Variants in TRO observed in about 807,000 individuals in gnomAD.
TRO encodes trophinin.
Under a neutral mutation model 42.3 loss-of-function variants are expected in TRO, and 29 were observed. That is an observed-to-expected ratio of 0.68 (90% CI 0.51 to 0.93). TRO has a LOEUF of 0.93. TRO is among the 40% of genes least tolerant of loss of function. TRO has a pLI of 0.00. For synonymous variants in TRO, 384 were observed against 425.2 expected, an observed-to-expected ratio of 0.90 and a Z score of 1.19; for missense variants, 963 against 1,127.7, an observed-to-expected ratio of 0.85 and a Z score of 2.09.
Position 54,928,902 on chromosome X carries a change from A to G in TRO, c.2178A>G (p.Gly726=), listed in dbSNP as rs201208674. The change falls in exon 12 of 13, where the codon GGA becomes GGG. Residue 726 remains glycine (G), a synonymous_variant. Transcript: ENST00000173898. ...GCACCAACGTCAACTTCAGCAGAGG[A>G]GCTAGTACCAGGGCTGGCTTCAGCG... ...DASTNVNFSR[G]ASTRAGFSDG... is the part of the protein sequence containing the mutation. 34 of 1,210,137 alleles carry G rather than the reference A, an allele frequency of 2.8e-5. No individual in the cohort carries two copies. The highest frequency in any genetic ancestry group is 3.7e-5 in the Non-Finnish European group (33 of 894,963).
chrX:54,928,927 G>A lies in TRO; in HGVS notation c.2203G>A (p.Asp735Asn). The change falls in exon 12 of 13, where the codon GAT (aspartate) becomes AAT (asparagine). Residue 735 changes from aspartate (D) to asparagine (N), a missense_variant. Physicochemically the swap from Asp to Asn is conservative, Grantham distance 23. Coordinates refer to ENST00000173898, the MANE Select transcript of TRO (RefSeq NM_001039705.3). ...RGASTRAGFSDGASISFNGAP... is the reference protein window; with the variant it reads ...RGASTRAGFSNGASISFNGAP... Reference sequence around the variant, plus strand: ...AGCTAGTACCAGGGCTGGCTTCAGCGATGGTGCTAGTATTAGCTTCAATGG... The same window carrying A: ...AGCTAGTACCAGGGCTGGCTTCAGCAATGGTGCTAGTATTAGCTTCAATGG... 1 of 1,211,370 alleles carries A rather than the reference G, an allele frequency of 8.3e-7. No homozygotes were observed. The highest frequency in any genetic ancestry group is 1.1e-6 in the Non-Finnish European group (1 of 895,185).
Position 54,922,883 on chromosome X carries a change from G to C in TRO, c.351G>C (p.Gln117His), listed in dbSNP as rs953292488. 7.4e-6 allele frequency: 9 copies of C among 1,210,153 alleles called. No individual in the cohort carries two copies. The African/African-American group carries it at 1.4e-4, about 19-fold the overall frequency. The change falls in exon 3 of 13, where the codon CAG becomes CAC. Residue 117 changes from glutamine (Q) to histidine (H), a missense_variant. By Grantham distance (24) the Gln-to-His change is conservative. Transcript: ENST00000173898. ...TGCCAGTCATTACCCAGATCAGCCA[G>C]GCTTTACCTACCACTGAGGTAACCA... ...LNLPVITQIS[Q>H]ALPTTEVTNT... is the part of the protein sequence containing the mutation.
rs1306487870 is a variant in TRO at position 54,923,473 on chromosome X, C to T, written c.941C>T (p.Ser314Phe). 8.4e-7 allele frequency: 1 copy of T among 1,186,159 alleles called. No individual in the cohort carries two copies. The highest frequency in any genetic ancestry group is 2.4e-5 in the Admixed American group (1 of 42,208). ...KAASRGPNSV[S>F]EISEAPLATQ... is the part of the protein sequence containing the mutation. ...GCCAGCAGGGGCCCAAATTCTGTCT[C>T]TGAGATCTCTGAGGCCCCACTTGCC... Residue 314 changes from serine (S) to phenylalanine (F), a missense_variant, in exon 3 of 13, where the codon TCT (serine) becomes TTT (phenylalanine). Physicochemically the swap from Ser to Phe is radical, Grantham distance 155. Coordinates refer to ENST00000173898, the MANE Select transcript of TRO (RefSeq NM_001039705.3).
intron 9 of TRO, 83 bp downstream of exon 9, chrX:54,926,708 G>C: frequency 8.4e-7 from 1 of 1,193,304 alleles, no homozygotes; most frequent in Non-Finnish European, 1.1e-6. Context: ...TCAGTCTGGT[G>C]GTCTGGTGGA....
intron 11 of TRO, 88 bp from the exon 12 acceptor site, chrX:54,928,515 G>A: frequency 1.9e-6 from 2 of 1,053,806 alleles, no homozygotes; most frequent in Non-Finnish European, 2.5e-6. Flanking sequence ...GTTTAAAAAA[G>A]TATTGCTACT....
In TRO at chrX:54,931,324, GA is replaced by G. The variant is rs1444550116; in HGVS notation, c.*133del. ...TCAAGGCAGTTATGGCCAATCAGCT[GA>G]GGGTGTCATGTGATGGAAAAATCTG... On this transcript the variant is annotated 3_prime_UTR_variant, in exon 13 of 13. Transcript: ENST00000173898. 5.0e-6 allele frequency: 6 copies of G among 1,211,224 alleles called. No individual in the cohort carries two copies. The highest frequency in any genetic ancestry group is 5.6e-6 in the Non-Finnish European group (5 of 894,842).
intron 1 of TRO, chrX:54,921,943 A>C: frequency 4.5e-6 from 1 of 222,440 alleles, no homozygotes; most frequent in Non-Finnish European, 7.5e-6. Flanking sequence ...TGGGCCTAAG[A>C]TGGGGGGTGG....
At position 54,923,687 on chromosome X, in the gene TRO, T is replaced by G. The variant is rs184872119; in HGVS notation, c.1155T>G (p.Ala385=). ...CCCTTGAGACTCAGGTTGCTGCTGC[T>G]GTCCAGGCCCTGGCAGATGACTATC... is the stretch of plus-strand genomic sequence containing the variant. ...VSALETQVAA[A]VQALADDYLA... is the part of the protein sequence containing the mutation. Residue 385 remains alanine, a synonymous_variant, in exon 3 of 13, where the codon GCT becomes GCG. Coordinates refer to ENST00000173898, the MANE Select transcript of TRO (RefSeq NM_001039705.3). 9.9e-6 allele frequency: 12 copies of G among 1,211,636 alleles called. No individual in the cohort carries two copies. In the African/African-American group the frequency reaches 1.7e-4, roughly 17 times the overall value.
chrX:54,930,082 G>A lies in TRO; in HGVS notation c.3358G>A (p.Gly1120Ser), dbSNP rs7058659. 19 of 1,209,491 alleles carry A rather than the reference G, an allele frequency of 1.6e-5. No individual in the cohort carries two copies. The African/African-American group carries it at 2.3e-4, about 15-fold the overall frequency. The change falls in exon 12 of 13, where the codon GGT (glycine) becomes AGT (serine). Residue 1120 changes from glycine to serine, a missense_variant. Transcript: ENST00000173898. Reference sequence around the variant, plus strand: ...GGCACTTAGTACCGCTGCTGACTTCGGTGGTACTCCCAGCAACAGCATTGG... The same window carrying A: ...GGCACTTAGTACCGCTGCTGACTTCAGTGGTACTCCCAGCAACAGCATTGG... ...GGALSTAADFGGTPSNSIGFG... is the reference protein window; with the variant it reads ...GGALSTAADFSGTPSNSIGFG...
intron 7 of TRO, among the ~76,000 whole-genome samples, chrX:54,926,201 T>C (rs748391696): frequency 1.7e-3 from 191 of 112,189 alleles, no homozygotes; most frequent in Non-Finnish European, 2.7e-3. Context: ...TACTGAATAA[T>C]AGACCAAGGC....
At chrX:54,927,288 C>A in intron 10 of TRO, 183 bp downstream of exon 10, 1 of 534,428 alleles carries the variant, frequency 1.9e-6, no homozygotes, top group African/African-American at 2.3e-5. Context: ...CCAGACTCAA[C>A]ACAAGGCCCT....
Position 54,929,889 on chromosome X carries a change from C to G in TRO, c.3165C>G (p.Thr1055=). 1 of 1,207,615 alleles carries G rather than the reference C, an allele frequency of 8.3e-7. No individual in the cohort carries two copies. The stretch of plus-strand genomic sequence containing the variant: ...TCTGTTTTGGTGGCTCTCCCAGCAC[C>G]AGTGCTGGCTTTGGTGGTGCACTCA... ...TSVCFGGSPS[T]SAGFGGALNT... The change falls in exon 12 of 13, where the codon ACC becomes ACG. Residue 1055 remains threonine, a synonymous_variant. Coordinates refer to ENST00000173898, the MANE Select transcript of TRO (RefSeq NM_001039705.3).
chrX:54,929,219 G>A lies in TRO; in HGVS notation c.2495G>A (p.Ser832Asn). 8.2e-7 allele frequency: 1 copy of A among 1,212,448 alleles called. No homozygotes were observed. Residue 832 changes from serine to asparagine, a missense_variant, in exon 12 of 13, where the codon AGT becomes AAT. By Grantham distance (46) the Ser-to-Asn change is conservative. Coordinates refer to ENST00000173898, the MANE Select transcript of TRO (RefSeq NM_001039705.3). ...SFSGGVSSSF[S>N]GPLSTSATFS... The stretch of plus-strand genomic sequence containing the variant: ...AGTGGTGGAGTCAGCTCTAGTTTTA[G>A]TGGCCCACTCAGCACCAGTGCCACT...
In TRO at chrX:54,931,289, C is replaced by A. The variant is rs1933167585; in HGVS notation, c.*97C>A. On this transcript the variant is annotated 3_prime_UTR_variant, in exon 13 of 13. Coordinates refer to ENST00000173898, the MANE Select transcript of TRO (RefSeq NM_001039705.3). ...AAAGTACATCCTTGGAATCTTTGTC[C>A]ACACAGCAGTCAAGGCAGTTATGGC... is the stretch of plus-strand genomic sequence containing the variant. 8.3e-7 allele frequency: 1 copy of A among 1,210,491 alleles called. No individual in the cohort carries two copies. Among genetic ancestry groups the A allele is most frequent in the African/African-American group, 1.7e-5 (1 of 57,361 alleles).
chrX:54,924,791 T>G, intron 5 of TRO, 58 bp downstream of exon 5: 1 of 1,111,191 alleles, frequency 9.0e-7, no homozygotes, highest in Non-Finnish European at 1.2e-6. Flanking sequence ...TCTCCTCCCA[T>G]AGTCTGGGAG....
chrX:54,924,036 T>C, intron 3 of TRO: 1 of 385,965 alleles, frequency 2.6e-6, no homozygotes, highest in South Asian at 5.2e-5. Flanking sequence ...CCAGGCTTTG[T>C]GTTGGGTACA....
Position 54,926,648 on chromosome X carries a change from C to T in TRO, c.1700+23C>T, listed in dbSNP as rs751364763. On this transcript the variant is annotated intron_variant, in intron 9 of 12. Transcript: ENST00000173898. Reference sequence around the variant, plus strand: ...TGGGTATGACTGGGCTCTCTCAGCGCTTGCTGTCCGTGTTGTCCTTTGGCA... The same window carrying T: ...TGGGTATGACTGGGCTCTCTCAGCGTTTGCTGTCCGTGTTGTCCTTTGGCA... 5.0e-6 allele frequency: 6 copies of T among 1,210,977 alleles called. No homozygotes were observed. The South Asian group carries it at 8.8e-5, about 18-fold the overall frequency.
chrX:54,922,790 C>A lies in TRO; in HGVS notation c.258C>A (p.Ala86=). Residue 86 remains alanine (A), a synonymous_variant, in exon 3 of 13, where the codon GCC becomes GCA. Coordinates refer to ENST00000173898, the MANE Select transcript of TRO (RefSeq NM_001039705.3). ...CTATTACTAAGGCTGCACCTGCTGC[C>A]CCTCCAGTCCCAGCTGCCAATGAGA... ...IKTITKAAPA[A]PPVPAANEIA... The A allele has an allele frequency of 1.7e-6, 2 of 1,206,390 alleles. No individual in the cohort carries two copies. The highest frequency in any genetic ancestry group is 1.7e-5 in the African/African-American group (1 of 57,702).
Position 54,929,877 on chromosome X carries a change from C to T in TRO, c.3153C>T (p.Gly1051=). The change falls in exon 12 of 13, where the codon GGC becomes GGT. Residue 1051 remains glycine, a synonymous_variant. Coordinates refer to ENST00000173898, the MANE Select transcript of TRO (RefSeq NM_001039705.3). ...GTLSTSVCFG[G]SPSTSAGFGG... ...TAAGCACCAGCGTCTGTTTTGGTGG[C>T]TCTCCCAGCACCAGTGCTGGCTTTG... 1 of 1,211,330 alleles carries T rather than the reference C, an allele frequency of 8.3e-7. No individual in the cohort carries two copies. Among genetic ancestry groups the T allele is most frequent in the Non-Finnish European group, 1.1e-6 (1 of 895,237 alleles).
Sources: allele counts gnomAD v4.1 joint callset (sites outside exome capture counted in the v4.1 genomes callset), GRCh38; gene constraint gnomAD v4.1.1; transcripts MANE v1.5; gene names NCBI Gene and HGNC (gene_info 2026-07-23, HGNC 2026-07-21).